NUDT4: variants seen among roughly 807,000 people sequenced by gnomAD.
The protein encoded by NUDT4 is nudix hydrolase 4, also known as diphosphoinositol polyphosphate phosphohydrolase 2.
NUDT4 carries 5 observed loss-of-function variants against 23.1 expected under a neutral mutation model. The ratio of observed to expected loss-of-function variants is 0.22; its 90% CI spans 0.11 to 0.46. The LOEUF (loss-of-function observed/expected upper bound fraction) is 0.46. NUDT4 is among the 20% of genes least tolerant of loss of function. NUDT4 has a pLI of 0.99. For missense variants in NUDT4, 96 were observed against 211.6 expected (o/e 0.45, Z 3.39); for synonymous variants, 50 against 79.0 (o/e 0.63, Z 1.95).
At position 93,406,191 on chromosome 12, in the gene NUDT4, G is replaced by A. The variant is rs936412693; in HGVS notation, c.*6812G>A. 1 of 146,922 alleles carries A rather than the reference G, an allele frequency of 6.8e-6. No homozygotes were observed. Among genetic ancestry groups the A allele is most frequent in the African/African-American group, 2.5e-5 (1 of 39,846 alleles). The allele number at this position is 146,922 out of a possible 1,614,324, so 9.1% of individuals were successfully genotyped here. A position where few individuals can be genotyped will look rare whatever the true frequency, so the allele number is the denominator to read the frequency against. ...GCTGAGGCAGGAGAATCGCTTGAAC[G>A]CGGGAGGCAGAACCTGCAGTGAGCC... On this transcript the variant is annotated 3_prime_UTR_variant, in exon 5 of 5. Transcript: ENST00000415493.
At chr12:93,387,154 A>ACTC (rs1370615884) in intron 1 of NUDT4, among the ~76,000 whole-genome samples, 1 of 150,032 alleles carries the variant, frequency 6.7e-6, no homozygotes, top group African/African-American at 2.5e-5. Flanking sequence ...CTGGTCTTGA[A>ACTC]CTCCTGACCT....
At chr12:93,382,614 A>T (rs370372628) in intron 1 of NUDT4, among the ~76,000 whole-genome samples, 1 of 151,670 alleles carries the variant, frequency 6.6e-6, no homozygotes, top group African/African-American at 2.4e-5. Context: ...TAAGTCCTTG[A>T]AGGTATTTCT....
rs1262532907 is a variant in NUDT4, at chr12:93,404,909, T to TTG, written c.*5531_*5532insGT. 1.3e-5 allele frequency: 2 copies of TTG among 149,688 alleles called. No individual in the cohort carries two copies. The highest frequency in any genetic ancestry group is 3.0e-5 in the Non-Finnish European group (2 of 67,590). 9.3% of individuals were successfully genotyped at this position (149,688 alleles called of 1,614,324 possible). A position where few individuals can be genotyped will look rare whatever the true frequency, so the allele number is the denominator to read the frequency against. ...TTAAAATTTTTTTAATGTTTTAGGT[T>TTG]TTTTTTTTTTTAAAAAAAATACTAT... is the stretch of plus-strand genomic sequence containing the variant. On this transcript the variant is annotated 3_prime_UTR_variant, in exon 5 of 5. Coordinates refer to ENST00000415493, the MANE Select transcript of NUDT4 (RefSeq NM_019094.6).
intron 1 of NUDT4, among the ~76,000 whole-genome samples, chr12:93,384,052 G>C (rs1347086732): frequency 1.3e-5 from 2 of 152,076 alleles, no homozygotes; most frequent in African/African-American, 4.8e-5. Flanking sequence ...GAGGCCCAAG[G>C]ACCTACAGCC....
At position 93,403,310 on chromosome 12, in the gene NUDT4, A is replaced by G. The variant is rs1877604744; in HGVS notation, c.*3931A>G. On this transcript the variant is annotated 3_prime_UTR_variant, in exon 5 of 5. Coordinates refer to ENST00000415493, the MANE Select transcript of NUDT4 (RefSeq NM_019094.6). ...AGAGATAAGTGATTTATCTTGGTGT[A>G]GTTTTGGCTTTTTTGTTTGTTTTTT... is the stretch of plus-strand genomic sequence containing the variant. 1.3e-5 allele frequency: 2 copies of G among 152,038 alleles called. No homozygotes were observed. The highest frequency in any genetic ancestry group is 1.5e-5 in the Non-Finnish European group (1 of 68,018). The allele number at this position is 152,038 out of a possible 1,614,324, so 9.4% of individuals were successfully genotyped here.
Position 93,403,443 on chromosome 12 carries a change from CGAG to C in NUDT4, c.*4068_*4070del, listed in dbSNP as rs940663600. 1.1e-4 allele frequency: 17 copies of C among 152,302 alleles called. No individual in the cohort carries two copies. The highest frequency in any genetic ancestry group is 3.6e-4 in the African/African-American group (15 of 41,504). 9.4% of individuals were successfully genotyped at this position (152,302 alleles called of 1,614,324 possible). A position where few individuals can be genotyped will look rare whatever the true frequency, so the allele number is the denominator to read the frequency against. On this transcript the variant is annotated 3_prime_UTR_variant, in exon 5 of 5. Coordinates refer to ENST00000415493, the MANE Select transcript of NUDT4 (RefSeq NM_019094.6). ...AAGCGATTCTCCTGCCTCATCCTCCCGAGGAGCTGGGATCACAGGCGCCTGCCA... is the reference window on the plus strand; with the variant it reads ...AAGCGATTCTCCTGCCTCATCCTCCCGAGCTGGGATCACAGGCGCCTGCCA...
intron 1 of NUDT4, among the ~76,000 whole-genome samples, chr12:93,393,104 T>TC (rs1876674605): frequency 7.1e-6 from 1 of 141,204 alleles, no homozygotes; most frequent in Non-Finnish European, 1.5e-5. Flanking sequence ...TTTTTTTTTT[T>TC]TTTTCCCCGA....
Position 93,398,794 on chromosome 12 carries a change from A to G in NUDT4, c.279A>G (p.Thr93=), listed in dbSNP as rs1318236313. ...AGAACCAAGACCGAAAGCACAGAAC[A>G]TATGTTTATGTTCTAACAGTCACTG... ...IFENQDRKHR[T]YVYVLTVTEI... is the part of the protein sequence containing the mutation. The change falls in exon 4 of 5, where the codon ACA becomes ACG. Residue 93 remains threonine (T), a synonymous_variant. Transcript: ENST00000415493. The G allele has an allele frequency of 5.0e-6, 8 of 1,606,696 alleles. No homozygotes were observed. The African/African-American group carries it at 1.1e-4, about 21-fold the overall frequency.
At chr12:93,395,205 C>T (rs555001588) in intron 2 of NUDT4, among the ~76,000 whole-genome samples, 2 of 152,118 alleles carry the variant, frequency 1.3e-5, no homozygotes, top group Non-Finnish European at 1.5e-5. Context: ...AGGCTGGTCT[C>T]GAACTCCTGA....
intron 1 of NUDT4, among the ~76,000 whole-genome samples, chr12:93,379,793 G>A (rs1473972239): frequency 2.0e-5 from 3 of 152,126 alleles, no homozygotes; most frequent in Non-Finnish European, 4.4e-5. Context: ...AGTGTGTTCT[G>A]TAAAAAAGAT....
intron 1 of NUDT4, among the ~76,000 whole-genome samples, chr12:93,385,642 T>C (rs1876002609): frequency 6.6e-6 from 1 of 152,034 alleles, no homozygotes; most frequent in African/African-American, 2.4e-5. Context: ...GGGGGTGTGA[T>C]AGAAATGTGT....
intron 1 of NUDT4, among the ~76,000 whole-genome samples, chr12:93,384,356 A>G (rs1156243214): frequency 1.3e-5 from 2 of 151,894 alleles, no homozygotes; most frequent in African/African-American, 4.8e-5. Context: ...TTTAGTAGAG[A>G]CGGCGTTTCA....
Position 93,398,780 on chromosome 12 carries a change from C to T in NUDT4, c.265C>T (p.Arg89Ter), listed in dbSNP as rs759131526. 6.2e-7 allele frequency: 1 copy of T among 1,601,034 alleles called. No homozygotes were observed. The highest frequency in any genetic ancestry group is 8.5e-7 in the Non-Finnish European group (1 of 1,170,518). Residue 89 changes from arginine (R) to a stop codon, truncating the protein, a stop_gained, in exon 4 of 5, where the codon CGA (arginine) becomes TGA (stop). Transcript: ENST00000415493. LOFTEE classifies it high-confidence loss of function. ...TTTTATATTCAAGCAGAACCAAGAC[C>T]GAAAGCACAGAACATATGTTTATGT... ...RLLGIFENQD[R>*]KHRTYVYVLT...
chr12:93,399,117 C>A, intron 4 of NUDT4, 60 bp from the exon 5 acceptor site: 2 of 1,268,260 alleles, frequency 1.6e-6, no homozygotes, highest in Non-Finnish European at 2.3e-6. Flanking sequence ...GTGGACATTA[C>A]TTATATGGCT....
At position 93,403,703 on chromosome 12, in the gene NUDT4, TACA is replaced by T. The variant is rs936835011; in HGVS notation, c.*4326_*4328del. 5 of 152,234 alleles carry T rather than the reference TACA, an allele frequency of 3.3e-5. No homozygotes were observed. Among genetic ancestry groups the T allele is most frequent in the Admixed American group, 3.3e-4 (5 of 15,288 alleles). The allele number at this position is 152,234 out of a possible 1,614,324, so 9.4% of individuals were successfully genotyped here. On this transcript the variant is annotated 3_prime_UTR_variant, in exon 5 of 5. Transcript: ENST00000415493. ...AGACTTATACCATCTTCAAAAGCAA[TACA>T]ATTTTATTTGTAGACGTGATTTCCC...
chr12:93,378,775 G>A (rs772785820), intron 1 of NUDT4: 1 of 1,017,138 alleles, frequency 9.8e-7, no homozygotes, highest in South Asian at 4.5e-5. Context: ...CTCAGCGAGA[G>A]GAGGGTGGAA....
In NUDT4 at chr12:93,403,105, C is replaced by A. The variant is rs1408807369; in HGVS notation, c.*3726C>A. 6.6e-6 allele frequency: 1 copy of A among 151,388 alleles called. No homozygotes were observed. Among genetic ancestry groups the A allele is most frequent in the Non-Finnish European group, 1.5e-5 (1 of 68,070 alleles). 9.4% of individuals were successfully genotyped at this position (151,388 alleles called of 1,614,324 possible). Reference sequence around the variant, plus strand: ...CTGGTCTCAAACTCCTAGGCTTAAGCAGTCCTCCAGCCTCAGCCTTCTCAA... The same window carrying A: ...CTGGTCTCAAACTCCTAGGCTTAAGAAGTCCTCCAGCCTCAGCCTTCTCAA... On this transcript the variant is annotated 3_prime_UTR_variant, in exon 5 of 5. Coordinates refer to ENST00000415493, the MANE Select transcript of NUDT4 (RefSeq NM_019094.6).
In NUDT4 at chr12:93,404,784, T is replaced by C. The variant is rs2121027379; in HGVS notation, c.*5405T>C. 1 of 152,322 alleles carries C rather than the reference T, an allele frequency of 6.6e-6. No individual in the cohort carries two copies. Among genetic ancestry groups the C allele is most frequent in the South Asian group, 2.1e-4 (1 of 4,832 alleles). 9.4% of individuals were successfully genotyped at this position (152,322 alleles called of 1,614,324 possible). A position where few individuals can be genotyped will look rare whatever the true frequency, so the allele number is the denominator to read the frequency against. On this transcript the variant is annotated 3_prime_UTR_variant, in exon 5 of 5. Transcript: ENST00000415493. ...TAGATTTTGTTTTTAAACGCCTGTATGGTTTAAAAAATGTTTTGGGAAATA... is the reference window on the plus strand; with the variant it reads ...TAGATTTTGTTTTTAAACGCCTGTACGGTTTAAAAAATGTTTTGGGAAATA...
intron 1 of NUDT4, among the ~76,000 whole-genome samples, chr12:93,385,968 T>TATATATATATATATATAC (rs1555193197): frequency 1.8e-4 from 24 of 133,584 alleles, no homozygotes; most frequent in African/African-American, 6.8e-4. Flanking sequence ...TATATATATA[T>TATATATATATATATATAC]ATACATAATT....
Sources: allele counts gnomAD v4.1 joint callset (sites outside exome capture counted in the v4.1 genomes callset), GRCh38; gene constraint gnomAD v4.1.1; transcripts MANE v1.5; gene names NCBI Gene and HGNC (gene_info 2026-07-23, HGNC 2026-07-21).